FRMD3: variants seen among roughly 807,000 people sequenced by gnomAD.
FRMD3 encodes FERM domain-containing protein 3.
Under a neutral mutation model 70.2 loss-of-function variants are expected in FRMD3, and 33 were observed. That is an observed-to-expected ratio of 0.47 (90% CI 0.36 to 0.63). The LOEUF is 0.63. FRMD3 is among the 20% of genes least tolerant of loss of function. The pLI is 0.00. For synonymous variants in FRMD3, 279 were observed against 255.9 expected (o/e 1.09, Z -0.86); for missense variants, 632 against 711.4 (o/e 0.89, Z 1.27).
At position 83,245,186 on chromosome 9, in the gene FRMD3, T is replaced by G. The variant is rs1187706124; in HGVS notation, c.*2732A>C. 3 of 984,920 alleles carry G rather than the reference T, an allele frequency of 3.0e-6. No individual in the cohort carries two copies. The highest frequency in any genetic ancestry group is 3.6e-6 in the Non-Finnish European group (3 of 829,574). 61.0% of individuals were successfully genotyped at this position (984,920 alleles called of 1,614,324 possible). A position where few individuals can be genotyped will look rare whatever the true frequency, so the allele number is the denominator to read the frequency against. On this transcript the variant is annotated 3_prime_UTR_variant, in exon 14 of 14. Coordinates refer to ENST00000304195, the MANE Select transcript of FRMD3 (RefSeq NM_174938.6). ...TTGTGTCTATTCAAAGACACACATA[T>G]ATACAGATTCATATATAAACACACA...
intron 13 of FRMD3, among the ~76,000 whole-genome samples, chr9:83,249,496 G>A (rs747968485): frequency 7.9e-5 from 12 of 152,050 alleles, no homozygotes; most frequent in Non-Finnish European, 1.5e-4. Flanking sequence ...GGTGCATTTC[G>A]GGAACCATAA....
chr9:83,424,110 C>T (rs1004967103), intron 1 of FRMD3, among the ~76,000 whole-genome samples: 1 of 152,154 alleles, frequency 6.6e-6, no homozygotes, highest in Non-Finnish European at 1.5e-5. Flanking sequence ...GCCTGAGTCT[C>T]TGCATTTCTA....
chr9:83,440,594 A>G (rs1564078310), intron 1 of FRMD3, among the ~76,000 whole-genome samples: 1 of 152,216 alleles, frequency 6.6e-6, no homozygotes, highest in African/African-American at 2.4e-5. Context: ...CAACATTACT[A>G]TCCAATTCTT....
intron 12 of FRMD3, among the ~76,000 whole-genome samples, chr9:83,298,287 T>G (rs940919875): frequency 2.0e-5 from 3 of 152,202 alleles, no homozygotes; most frequent in East Asian, 1.9e-4. Context: ...AATGGAGGTG[T>G]GTACTCTTGA....
chr9:83,408,869 G>C (rs1187030715), intron 1 of FRMD3, among the ~76,000 whole-genome samples: 1 of 152,130 alleles, frequency 6.6e-6, no homozygotes, highest in East Asian at 1.9e-4. Context: ...GGAAGATGGT[G>C]GGGAGACCAC....
chr9:83,542,019 C>T (rs1335699494), upstream of FRMD3, among the ~76,000 whole-genome samples: 6 of 152,110 alleles, frequency 3.9e-5, no homozygotes, highest in Non-Finnish European at 8.8e-5. Flanking sequence ...CCCAGTCAAT[C>T]CTCCTGCTTG....
At chr9:83,567,105 C>T in the FRMD3 span, among the ~76,000 whole-genome samples, 1 of 152,252 alleles carries the variant, frequency 6.6e-6, no homozygotes, top group African/African-American at 2.4e-5. Context: ...CATACATCTT[C>T]TGAAATCTAG....
In FRMD3 at chr9:83,245,590, G is replaced by T; in HGVS notation, c.*2328C>A. On this transcript the variant is annotated 3_prime_UTR_variant, in exon 14 of 14. Transcript: ENST00000304195. ...ATAAATCTGCATCGTTGGATTACATGTGATATTTATACTATCATATTTTTT... is the reference window on the plus strand; with the variant it reads ...ATAAATCTGCATCGTTGGATTACATTTGATATTTATACTATCATATTTTTT... The T allele has an allele frequency of 1.2e-6, 1 of 822,882 alleles. No individual in the cohort carries two copies. The highest frequency in any genetic ancestry group is 1.5e-6 in the Non-Finnish European group (1 of 681,680). 51.0% of individuals were successfully genotyped at this position (822,882 alleles called of 1,614,324 possible).
chr9:83,279,650 G>C (rs1292388230), intron 13 of FRMD3, among the ~76,000 whole-genome samples: 4 of 152,130 alleles, frequency 2.6e-5, no homozygotes, highest in Non-Finnish European at 4.4e-5. Flanking sequence ...CCTTTGGAGG[G>C]ACATGGAGGG....
intron 6 of FRMD3, among the ~76,000 whole-genome samples, chr9:83,324,752 C>T (rs10780590): frequency 0.46 from 70,608 of 152,032 alleles, 16,834 homozygotes; most frequent in Admixed American, 0.52. Flanking sequence ...TTTATCTTCC[C>T]TTTTGTGGAT....
intron 1 of FRMD3, among the ~76,000 whole-genome samples, chr9:83,431,341 T>C (rs1826970485): frequency 1.3e-5 from 2 of 152,234 alleles, no homozygotes; most frequent in African/African-American, 4.8e-5. Flanking sequence ...GATAATTTAT[T>C]CTCCTACATT....
At chr9:83,517,696 T>A (rs1829485848) in intron 1 of FRMD3, among the ~76,000 whole-genome samples, 1 of 152,012 alleles carries the variant, frequency 6.6e-6, no homozygotes, top group South Asian at 2.1e-4. Context: ...AAAGAAAATT[T>A]CAGGCCAATA....
At chr9:83,425,722 A>G (rs1261267652) in intron 1 of FRMD3, among the ~76,000 whole-genome samples, 2 of 137,010 alleles carry the variant, frequency 1.5e-5, no homozygotes, top group Non-Finnish European at 1.5e-5. Context: ...CCTGGCCAAC[A>G]TGATGAAACC....
chr9:83,331,924 G>A, intron 6 of FRMD3: 1 of 715,082 alleles, frequency 1.4e-6, no homozygotes, highest in Non-Finnish European at 2.6e-6. Flanking sequence ...TCAGAGAGTT[G>A]TAAGCAGAAG....
chr9:83,444,034 T>C (rs1007389746), intron 1 of FRMD3, among the ~76,000 whole-genome samples: 1 of 152,262 alleles, frequency 6.6e-6, no homozygotes, highest in African/African-American at 2.4e-5. Flanking sequence ...GCTTCCTTTT[T>C]AACATGTTCA....
chr9:83,509,180 AAC>A (rs1423870847), intron 1 of FRMD3, among the ~76,000 whole-genome samples: 4 of 152,208 alleles, frequency 2.6e-5, no homozygotes, highest in Non-Finnish European at 5.9e-5. Flanking sequence ...AGCAGTGCCT[AAC>A]ACAGAGCAGA....
At chr9:83,449,975 T>A (rs1166207901) in intron 1 of FRMD3, among the ~76,000 whole-genome samples, 1 of 152,012 alleles carries the variant, frequency 6.6e-6, no homozygotes, top group Non-Finnish European at 1.5e-5. Context: ...CTCAATAACT[T>A]TTTTTTTAAA....
chr9:83,507,420 C>T (rs1446930311), intron 1 of FRMD3, among the ~76,000 whole-genome samples: 8 of 143,542 alleles, frequency 5.6e-5, no homozygotes, highest in Non-Finnish European at 1.1e-4. Context: ...GTAATCCCAG[C>T]ACTTTGGGAG....
chr9:83,397,186 G>A (rs968603212), intron 1 of FRMD3, among the ~76,000 whole-genome samples: 3 of 152,188 alleles, frequency 2.0e-5, no homozygotes, highest in Admixed American at 6.5e-5. Flanking sequence ...AAGCTGGACC[G>A]TAAAGGTCTG....
Sources: allele counts gnomAD v4.1 joint callset (sites outside exome capture counted in the v4.1 genomes callset), GRCh38; gene constraint gnomAD v4.1.1; transcripts MANE v1.5; gene names NCBI Gene and HGNC (gene_info 2026-07-23, HGNC 2026-07-21).